SLC1A4: variants seen among roughly 807,000 people sequenced by gnomAD.
SLC1A4 encodes solute carrier family 1 member 4.
In SLC1A4, 19 loss-of-function variants were observed where a neutral mutation model predicts 37.7. The observed-to-expected ratio is 0.50, with a 90% confidence interval of 0.35 to 0.74. The LOEUF is 0.74. Ranked by LOEUF, SLC1A4 falls within the 30% of genes least tolerant of loss-of-function variation. The probability of loss-of-function intolerance (pLI) is 0.01; values close to 1 mark genes in which losing one functional copy is unlikely to be tolerated. For synonymous variants in SLC1A4, 299 were observed against 309.8 expected (o/e 0.97, Z 0.37); for missense variants, 570 against 712.9 (o/e 0.80, Z 2.28).
chr2:64,989,359 T>C (rs186100574), upstream of SLC1A4: 26 of 299,978 alleles, frequency 8.7e-5, no homozygotes, highest in African/African-American at 4.6e-4. Flanking sequence ...GCCCTCCTAC[T>C]TCCCCGTCTG....
chr2:64,994,147 T>C (rs995046879), intron 1 of SLC1A4, among the ~76,000 whole-genome samples: 1 of 152,184 alleles, frequency 6.6e-6, no homozygotes, highest in Non-Finnish European at 1.5e-5. Context: ...TATGGAAAAT[T>C]TGGAAAGGGA....
Position 65,010,619 on chromosome 2 carries a change from A to C in SLC1A4, c.656A>C (p.Glu219Ala), listed in dbSNP as rs34259099. 350 of 1,612,550 alleles carry C rather than the reference A, an allele frequency of 2.2e-4. No individual in the cohort carries two copies. The highest frequency in any genetic ancestry group is 2.8e-4 in the Non-Finnish European group (329 of 1,179,346). Residue 219 changes from glutamate (E) to alanine (A), a missense_variant, in exon 4 of 8, where the codon GAA (glutamate) becomes GCA (alanine). Physicochemically the swap from Glu to Ala is moderately radical, Grantham distance 107. Transcript: ENST00000234256. ...CAGATCCCCATAGGCACTGAGATAG[A>C]AGGGATGAACATTTTAGGATTGGTC... is the stretch of plus-strand genomic sequence containing the variant. ...HEKIPIGTEI[E>A]GMNILGLVLF...
At chr2:65,015,977 T>C (rs1674111294) in intron 4 of SLC1A4, among the ~76,000 whole-genome samples, 1 of 152,264 alleles carries the variant, frequency 6.6e-6, no homozygotes, top group Non-Finnish European at 1.5e-5. Flanking sequence ...AATTTAAAAC[T>C]TCACAAAAGT....
At chr2:65,019,440 T>C (rs1273436772) in intron 7 of SLC1A4, among the ~76,000 whole-genome samples, 1 of 151,960 alleles carries the variant, frequency 6.6e-6, no homozygotes, top group Non-Finnish European at 1.5e-5. Context: ...GGAATGATCA[T>C]AGCACCCACA....
chr2:64,993,817 AG>A (rs1383772213), intron 1 of SLC1A4, among the ~76,000 whole-genome samples: 1 of 152,104 alleles, frequency 6.6e-6, no homozygotes, highest in Non-Finnish European at 1.5e-5. Flanking sequence ...GATTGTTCTG[AG>A]GGTTAGCTGG....
chr2:64,989,960 A>T lies in SLC1A4; in HGVS notation c.317A>T (p.Asp106Val). Residue 106 changes from aspartate (D) to valine (V), a missense_variant, in exon 1 of 8, where the codon GAT becomes GTT. Physicochemically the swap from Asp to Val is radical, Grantham distance 152. Transcript: ENST00000234256. ...CSLVSGAASL[D>V]ASCLGRLGGI... ...CTGGTGTCGGGCGCCGCCTCGCTCG[A>T]TGCCAGCTGCCTCGGGCGTCTGGGC... 1 of 1,578,310 alleles carries T rather than the reference A, an allele frequency of 6.3e-7. No individual in the cohort carries two copies.
chr2:65,000,767 C>A (rs1673425030), intron 1 of SLC1A4: 1 of 152,200 alleles, frequency 6.6e-6, no homozygotes, highest in South Asian at 2.1e-4. Flanking sequence ...AGGTTTTTAT[C>A]TACACGTATG....
intron 2 of SLC1A4, among the ~76,000 whole-genome samples, chr2:65,002,462 A>G (rs1253687142): frequency 6.6e-6 from 1 of 151,146 alleles, no homozygotes; most frequent in African/African-American, 2.4e-5. Context: ...CCATTGTAAG[A>G]GTATAACATA....
intron 7 of SLC1A4, among the ~76,000 whole-genome samples, chr2:65,019,254 GAAT>G (rs1346853556): frequency 6.6e-6 from 1 of 152,200 alleles, no homozygotes; most frequent in African/African-American, 2.4e-5. Context: ...TTGCAGGCAT[GAAT>G]AATATCTATT....
chr2:65,014,170 G>A (rs1310881109), intron 4 of SLC1A4, among the ~76,000 whole-genome samples: 1 of 152,094 alleles, frequency 6.6e-6, no homozygotes, highest in African/African-American at 2.4e-5. Context: ...TAAAAAGTCT[G>A]CATGCAAAAG....
At chr2:65,008,479 T>A (rs1014267805) in intron 3 of SLC1A4, among the ~76,000 whole-genome samples, 1 of 152,044 alleles carries the variant, frequency 6.6e-6, no homozygotes, top group Admixed American at 6.6e-5. Context: ...CTCTACAAAA[T>A]AAATAAATAA....
intron 2 of SLC1A4, among the ~76,000 whole-genome samples, chr2:65,002,487 G>C (rs570714218): frequency 6.7e-6 from 1 of 148,772 alleles, no homozygotes; most frequent in African/African-American, 2.5e-5. Context: ...TCCTCTACTA[G>C]TCCCCTACCG....
chr2:64,989,950 G>C lies in SLC1A4; in HGVS notation c.307G>C (p.Ala103Pro), dbSNP rs769141177. The C allele has an allele frequency of 6.4e-7, 1 of 1,572,312 alleles. No individual in the cohort carries two copies. Among genetic ancestry groups the C allele is most frequent in the East Asian group, 2.3e-5 (1 of 42,642 alleles). ...LVVCSLVSGA[A>P]SLDASCLGRL... ...GGTCTGCAGCCTGGTGTCGGGCGCC[G>C]CCTCGCTCGATGCCAGCTGCCTCGG... Residue 103 changes from alanine (A) to proline (P), a missense_variant, in exon 1 of 8, where the codon GCC (alanine) becomes CCC (proline). Physicochemically the swap from Ala to Pro is conservative, Grantham distance 27 (BLOSUM62 -1). Coordinates refer to ENST00000234256, the MANE Select transcript of SLC1A4 (RefSeq NM_003038.5).
chr2:65,019,819 G>C (rs1674336516), intron 7 of SLC1A4, among the ~76,000 whole-genome samples: 1 of 152,190 alleles, frequency 6.6e-6, no homozygotes, highest in Non-Finnish European at 1.5e-5. Flanking sequence ...TCAAAGAGGT[G>C]CTTGGCCAGG....
chr2:64,996,007 T>G (rs1324877932), intron 1 of SLC1A4, among the ~76,000 whole-genome samples: 1 of 152,200 alleles, frequency 6.6e-6, no homozygotes, highest in Non-Finnish European at 1.5e-5. Context: ...CCAGTTTTTC[T>G]GTTTGTTTTA....
At chr2:65,007,656 A>G (rs1673739508) in intron 3 of SLC1A4, among the ~76,000 whole-genome samples, 1 of 152,230 alleles carries the variant, frequency 6.6e-6, no homozygotes, top group South Asian at 2.1e-4. Flanking sequence ...CAGACCTGCT[A>G]AAACCAGCTC....
At chr2:65,016,857 G>C (rs535789316) in intron 5 of SLC1A4, among the ~76,000 whole-genome samples, 184 bp downstream of exon 5, 1 of 152,232 alleles carries the variant, frequency 6.6e-6, no homozygotes, top group South Asian at 2.1e-4. Flanking sequence ...GATTGCCCAG[G>C]CTGGTCTCGA....
chr2:65,020,771 A>G, intron 7 of SLC1A4, 141 bp from the exon 8 acceptor site: 2 of 667,688 alleles, frequency 3.0e-6, no homozygotes, highest in South Asian at 3.6e-5. Context: ...AATAAGGTAA[A>G]GCCAATGCCT....
rs1315491899 is a variant in SLC1A4 at position 64,989,450 on chromosome 2, G to C, written c.-194G>C. 2.3e-6 allele frequency: 1 copy of C among 432,564 alleles called. No individual in the cohort carries two copies. The highest frequency in any genetic ancestry group is 3.7e-5 in the East Asian group (1 of 26,926). 26.8% of individuals were successfully genotyped at this position (432,564 alleles called of 1,614,324 possible). A position where few individuals can be genotyped will look rare whatever the true frequency, so the allele number is the denominator to read the frequency against. On this transcript the variant is annotated 5_prime_UTR_variant, in exon 1 of 8. Coordinates refer to ENST00000234256, the MANE Select transcript of SLC1A4 (RefSeq NM_003038.5). Reference sequence around the variant, plus strand: ...AGGCTGGGCGCGATCCTCTCCGCCCGCGGCTCCAACCCGCACTCTGCGCCT... The same window carrying C: ...AGGCTGGGCGCGATCCTCTCCGCCCCCGGCTCCAACCCGCACTCTGCGCCT...
Sources: gnomAD v4.1 joint callset for allele counts (sites outside exome capture counted in the v4.1 genomes callset) on GRCh38, gnomAD v4.1.1 for gene constraint, MANE v1.5 for transcripts, NCBI Gene and HGNC (gene_info 2026-07-23, HGNC 2026-07-21) for gene names.